The following GOLGA1 variants were observed in gnomAD, a reference collection of about 807,000 sequenced individuals.
GOLGA1 encodes golgin subfamily A member 1.
A neutral mutation model predicts 119.7 loss-of-function variants in GOLGA1; 63 were observed. That is an observed-to-expected ratio of 0.53 (90% CI 0.43 to 0.65). GOLGA1 has a LOEUF of 0.65. Ranked by LOEUF, GOLGA1 falls within the 30% of genes least tolerant of loss-of-function variation. The pLI, the probability that GOLGA1 is intolerant of heterozygous loss-of-function variation, is 0.00. For synonymous variants in GOLGA1, 318 were observed against 333.4 expected (o/e 0.95, Z 0.50); for missense variants, 798 against 912.8 (o/e 0.87, Z 1.62).
chr9:124,899,340 C>T lies in GOLGA1; in HGVS notation c.1300G>A (p.Glu434Lys), dbSNP rs1327866671. 1 of 1,548,520 alleles carries T rather than the reference C, an allele frequency of 6.5e-7. No homozygotes were observed. Among genetic ancestry groups the T allele is most frequent in the Admixed American group, 2.0e-5 (1 of 50,982 alleles). ...AGCTCTTCACTCACCATCCCTTGCTCTGCGGTGGTCTGGTCAGCTGCCCGC... is the reference window on the plus strand; with the variant it reads ...AGCTCTTCACTCACCATCCCTTGCTTTGCGGTGGTCTGGTCAGCTGCCCGC... ...RTRAADQTTA[E>K]QGMRQLEQEN... The change falls in exon 14 of 23, where the codon GAG (glutamate) becomes AAG (lysine). Residue 434 changes from glutamate to lysine, a missense_variant. Physicochemically the swap from Glu to Lys is moderately conservative, Grantham distance 56 (BLOSUM62 1). Coordinates refer to ENST00000373555, the MANE Select transcript of GOLGA1 (RefSeq NM_002077.4).
intron 10 of GOLGA1, among the ~76,000 whole-genome samples, chr9:124,920,516 T>G (rs968743581): frequency 6.6e-6 from 1 of 152,166 alleles, no homozygotes; most frequent in Non-Finnish European, 1.5e-5. Flanking sequence ...CAAATTGTAA[T>G]GACATCATTT....
chr9:124,902,333 C>T (rs1001919665), intron 12 of GOLGA1, among the ~76,000 whole-genome samples: 1 of 151,542 alleles, frequency 6.6e-6, no homozygotes, highest in African/African-American at 2.4e-5. Flanking sequence ...AGGATGGTCT[C>T]GATCTCCTGA....
intron 2 of GOLGA1, among the ~76,000 whole-genome samples, chr9:124,939,622 G>T (rs1331899582): frequency 1.5e-5 from 2 of 130,572 alleles, no homozygotes; most frequent in African/African-American, 6.0e-5. Context: ...GAATGCAATG[G>T]CACTATCTCG....
chr9:124,905,625 A>G lies in GOLGA1; in HGVS notation c.1065+2752T>C, dbSNP rs868342896. Among the ~76,000 whole-genome samples the G allele has an allele frequency of 3.9e-5, 6 of 152,298 alleles. 1 individual carries two copies. The South Asian group carries it at 1.2e-3, about 32-fold the overall frequency. On this transcript the variant is annotated intron_variant, in intron 12 of 22. Coordinates refer to ENST00000373555, the MANE Select transcript of GOLGA1 (RefSeq NM_002077.4). The stretch of plus-strand genomic sequence containing the variant: ...GAGGTCTTTAATGCTATATGAACAG[A>G]AAATGGAATAAGAGGTGGGAAGATT...
chr9:124,910,364 C>G (rs1830317285), intron 11 of GOLGA1, among the ~76,000 whole-genome samples: 1 of 152,178 alleles, frequency 6.6e-6, no homozygotes, highest in Admixed American at 6.5e-5. Flanking sequence ...CACGCCTGGC[C>G]TAGAGATATA....
chr9:124,933,581 A>G (rs1830811001), intron 3 of GOLGA1, among the ~76,000 whole-genome samples: 1 of 152,038 alleles, frequency 6.6e-6, no homozygotes, highest in Non-Finnish European at 1.5e-5. Flanking sequence ...TGCTCAGCTA[A>G]TATTTGTATT....
intron 12 of GOLGA1, among the ~76,000 whole-genome samples, chr9:124,903,651 CAAAAAAAA>C (rs11435294): frequency 1.1e-5 from 1 of 91,282 alleles, no homozygotes; most frequent in East Asian, 3.4e-4. Flanking sequence ...AGAAAAAGAC[CAAAAAAAA>C]AAAAAAAAAA....
intron 7 of GOLGA1, among the ~76,000 whole-genome samples, chr9:124,923,545 T>A (rs1449373712): frequency 6.6e-6 from 1 of 152,218 alleles, no homozygotes; most frequent in African/African-American, 2.4e-5. Context: ...TATTTACAAA[T>A]TCTTTAATTG....
chr9:124,885,285 G>A (rs1478736912), intron 19 of GOLGA1, among the ~76,000 whole-genome samples: 2 of 150,374 alleles, frequency 1.3e-5, no homozygotes, highest in Non-Finnish European at 3.0e-5. Context: ...CTGAGATCGC[G>A]CCACTGCACT....
chr9:124,947,186 A>T (rs1588109235), intron 1 of GOLGA1: 1 of 152,100 alleles, frequency 6.6e-6, no homozygotes, highest in Non-Finnish European at 1.5e-5. Context: ...GATTAAAGCA[A>T]TTTTTTTCCA....
upstream of GOLGA1, among the ~76,000 whole-genome samples, chr9:124,941,810 G>A (rs1023627115): frequency 1.3e-5 from 2 of 152,152 alleles, no homozygotes; most frequent in Non-Finnish European, 2.9e-5. Context: ...AAAAGTGCAC[G>A]GCGCGCGCTT....
At chr9:124,899,543 G>A (rs1026835003) in intron 13 of GOLGA1, 65 bp from the exon 14 acceptor site, 10 of 1,451,696 alleles carry the variant, frequency 6.9e-6, no homozygotes, top group Non-Finnish European at 9.3e-6. Flanking sequence ...ATCTTAGTCT[G>A]GCCCTAGGTG....
Position 124,880,346 on chromosome 9 carries a change from C to A in GOLGA1, c.*184G>T. 2.1e-6 allele frequency: 1 copy of A among 486,462 alleles called. No homozygotes were observed. Among genetic ancestry groups the A allele is most frequent in the Admixed American group, 3.2e-5 (1 of 31,382 alleles). 30.1% of individuals were successfully genotyped at this position (486,462 alleles called of 1,614,324 possible). On this transcript the variant is annotated 3_prime_UTR_variant, in exon 23 of 23. Coordinates refer to ENST00000373555, the MANE Select transcript of GOLGA1 (RefSeq NM_002077.4). ...TGTTTGGTGACCAGAATGACAGGAT[C>A]AGCTACCCCCTGAGGTTCAGGTCAG... is the stretch of plus-strand genomic sequence containing the variant.
chr9:124,937,689 G>T (rs1342292742), intron 3 of GOLGA1, among the ~76,000 whole-genome samples: 1 of 151,502 alleles, frequency 6.6e-6, no homozygotes, highest in African/African-American at 2.4e-5. Context: ...CCTGTCATAT[G>T]CAAAAGCCAC....
At chr9:124,940,941 C>G (rs1831003598) in intron 1 of GOLGA1, 30 bp downstream of exon 1, 1 of 152,334 alleles carries the variant, frequency 6.6e-6, no homozygotes, top group African/African-American at 2.4e-5. Flanking sequence ...AAGGGGCCTG[C>G]TCGCATTCCC....
At position 124,879,098 on chromosome 9, in the gene GOLGA1, A is replaced by T. The variant is rs975023843; in HGVS notation, c.*1432T>A. On this transcript the variant is annotated 3_prime_UTR_variant, in exon 23 of 23. Coordinates refer to ENST00000373555, the MANE Select transcript of GOLGA1 (RefSeq NM_002077.4). ...AAATTTCGTTAGGTTAACGTTGCAA[A>T]TGCGTGTTTTTCTGTGACACATTTT... The T allele has an allele frequency of 2.6e-5, 4 of 152,178 alleles. No homozygotes were observed. Among genetic ancestry groups the T allele is most frequent in the African/African-American group, 9.7e-5 (4 of 41,444 alleles). The allele number at this position is 152,178 out of a possible 1,614,324, so 9.4% of individuals were successfully genotyped here.
rs1027980859 is a variant in GOLGA1 at position 124,886,366 on chromosome 9, G to T, written c.1905+1887C>A. 7.2e-5 allele frequency among the ~76,000 whole-genome samples: 11 copies of T among 152,302 alleles called. 1 individual carries two copies. In the South Asian group the frequency reaches 2.3e-3, roughly 32 times the overall value. ...ACGGAGAAGGAGCAGGCCATGGATG[G>T]GAGCTTCAGGAGGAGGAAGAGACGC... On this transcript the variant is annotated intron_variant, in intron 19 of 22. Coordinates refer to ENST00000373555, the MANE Select transcript of GOLGA1 (RefSeq NM_002077.4).
At chr9:124,939,639 C>T (rs1395911184) in intron 2 of GOLGA1, among the ~76,000 whole-genome samples, 3 of 144,792 alleles carry the variant, frequency 2.1e-5, no homozygotes, top group African/African-American at 5.2e-5. Context: ...CTCGGCTCAC[C>T]GCAACCTCCA....
intron 9 of GOLGA1, 65 bp from the exon 10 acceptor site, chr9:124,921,305 A>T: frequency 1.1e-6 from 1 of 916,702 alleles, no homozygotes; most frequent in South Asian, 1.3e-5. Context: ...AGTCTTCTGC[A>T]GGAAAAATAC....
Sources: gnomAD v4.1 joint callset for allele counts (sites outside exome capture counted in the v4.1 genomes callset) on GRCh38, gnomAD v4.1.1 for gene constraint, MANE v1.5 for transcripts, NCBI Gene and HGNC (gene_info 2026-07-23, HGNC 2026-07-21) for gene names.